CNTNAP2: variants seen among roughly 807,000 people sequenced by gnomAD.
CNTNAP2 encodes the protein contactin-associated protein-like 2.
CNTNAP2 carries 98 observed loss-of-function variants against 155.2 expected under a neutral mutation model. The observed-to-expected ratio is 0.63, with a 90% confidence interval of 0.54 to 0.75. CNTNAP2 has a LOEUF of 0.75. CNTNAP2 is among the 30% of genes least tolerant of loss of function. The pLI is 0.00. For missense variants in CNTNAP2, 1,727 were observed against 1,688.1 expected (o/e 1.02, Z -0.40); for synonymous variants, 651 against 631.2 (o/e 1.03, Z -0.47).
chr7:148,199,655 T>G (rs1795336181), intron 18 of CNTNAP2, among the ~76,000 whole-genome samples: 1 of 152,216 alleles, frequency 6.6e-6, no homozygotes, highest in Admixed American at 6.5e-5. Context: ...CTAGTTCAAA[T>G]TGAGATTGTG....
intron 1 of CNTNAP2, among the ~76,000 whole-genome samples, chr7:146,528,837 G>C (rs1391337815): frequency 6.6e-6 from 1 of 152,086 alleles, no homozygotes; most frequent in African/African-American, 2.4e-5. Context: ...TGATATGCAG[G>C]ATGAGCTCAG....
intron 5 of CNTNAP2, among the ~76,000 whole-genome samples, chr7:147,113,184 A>G (rs556507521): frequency 6.6e-6 from 1 of 152,202 alleles, no homozygotes; most frequent in South Asian, 2.1e-4. Flanking sequence ...AGAGGTGTTC[A>G]TAGCATTCTC....
At chr7:146,221,338 A>G (rs770143669) in intron 1 of CNTNAP2, among the ~76,000 whole-genome samples, 3 of 152,060 alleles carry the variant, frequency 2.0e-5, no homozygotes, top group African/African-American at 7.3e-5. Context: ...ATTTATACAG[A>G]AGGATATACG....
At chr7:148,209,657 G>T (rs769621420) in intron 18 of CNTNAP2, among the ~76,000 whole-genome samples, 2 of 152,122 alleles carry the variant, frequency 1.3e-5, no homozygotes, top group African/African-American at 2.4e-5. Flanking sequence ...CCTATTCAAT[G>T]GTCTACCTAT....
At chr7:146,746,946 T>C (rs1332410816) in intron 1 of CNTNAP2, among the ~76,000 whole-genome samples, 1 of 152,116 alleles carries the variant, frequency 6.6e-6, no homozygotes, top group African/African-American at 2.4e-5. Flanking sequence ...TTGGGGATAT[T>C]TCTGTAGAAA....
intron 3 of CNTNAP2, among the ~76,000 whole-genome samples, chr7:146,939,438 T>C (rs1796999180): frequency 6.6e-6 from 1 of 152,246 alleles, no homozygotes; most frequent in Admixed American, 6.5e-5. Flanking sequence ...GAAGGCGACA[T>C]TAAAACTTCG....
At chr7:147,969,701 A>C (rs1801296618) in intron 14 of CNTNAP2, among the ~76,000 whole-genome samples, 1 of 152,126 alleles carries the variant, frequency 6.6e-6, no homozygotes, top group Non-Finnish European at 1.5e-5. Context: ...CAATAAACTA[A>C]AAATTCGCCA....
chr7:146,828,439 T>A (rs1242660960), intron 2 of CNTNAP2, among the ~76,000 whole-genome samples: 7 of 152,038 alleles, frequency 4.6e-5, no homozygotes, highest in Admixed American at 4.6e-4. Flanking sequence ...ATTATGGAAG[T>A]TTTTCTTCTA....
At position 147,571,694 on chromosome 7, in the gene CNTNAP2, AT is replaced by A. The variant is rs1318062857; in HGVS notation, c.1897+9439del. On this transcript the variant is annotated intron_variant, in intron 12 of 23. Coordinates refer to ENST00000361727, the MANE Select transcript of CNTNAP2 (RefSeq NM_014141.6). ...GACACACAGAGCTCTCCTATTCTAT[AT>A]TAGGGCTTATTAACATTCATAAGTT... Among the ~76,000 whole-genome samples, 61 of 152,246 alleles carry A rather than the reference AT, an allele frequency of 4.0e-4. 1 individual carries two copies. The highest frequency in any genetic ancestry group is 3.4e-3 in the Middle Eastern group (1 of 294).
chr7:146,135,736 T>C (rs564693293), intron 1 of CNTNAP2, among the ~76,000 whole-genome samples: 11 of 152,060 alleles, frequency 7.2e-5, no homozygotes, highest in African/African-American at 2.7e-4. Flanking sequence ...TACAGGTTTC[T>C]AGACATATGC....
chr7:146,425,850 A>T (rs977956408), intron 1 of CNTNAP2, among the ~76,000 whole-genome samples: 1 of 152,076 alleles, frequency 6.6e-6, no homozygotes. Context: ...ACAAACAAAC[A>T]ATAAAAAACT....
chr7:147,342,294 A>C (rs574093985), intron 9 of CNTNAP2, among the ~76,000 whole-genome samples: 2 of 152,244 alleles, frequency 1.3e-5, no homozygotes, highest in Non-Finnish European at 1.5e-5. Context: ...TAAGGCTTCT[A>C]ATGTATCTAA....
At chr7:147,182,161 CA>C (rs1470851599) in intron 8 of CNTNAP2, among the ~76,000 whole-genome samples, 37 of 148,554 alleles carry the variant, frequency 2.5e-4, no homozygotes, top group African/African-American at 8.6e-4. Flanking sequence ...GTAACTTCCA[CA>C]TTAAACAAGA....
intron 1 of CNTNAP2, among the ~76,000 whole-genome samples, chr7:146,214,443 G>A (rs773062002): frequency 2.6e-5 from 4 of 152,118 alleles, no homozygotes; most frequent in Non-Finnish European, 5.9e-5. Context: ...GAAAATCCAC[G>A]TTCACCTTGT....
intron 9 of CNTNAP2, among the ~76,000 whole-genome samples, chr7:147,332,709 A>G (rs1035479021): frequency 3.9e-5 from 6 of 152,116 alleles, no homozygotes; most frequent in Admixed American, 3.9e-4. Flanking sequence ...TAATAGTACA[A>G]GAATTAGCCG....
chr7:147,993,231 T>A (rs1168562476), intron 15 of CNTNAP2, among the ~76,000 whole-genome samples: 1 of 152,204 alleles, frequency 6.6e-6, no homozygotes, highest in Non-Finnish European at 1.5e-5. Context: ...ACACTTTGTA[T>A]TAAATAACCT....
At chr7:147,520,523 G>A (rs1799213343) in intron 11 of CNTNAP2, among the ~76,000 whole-genome samples, 1 of 152,154 alleles carries the variant, frequency 6.6e-6, no homozygotes, top group Non-Finnish European at 1.5e-5. Context: ...TAAATGACAT[G>A]CAAAGATGGC....
intron 13 of CNTNAP2, among the ~76,000 whole-genome samples, chr7:147,677,989 A>T (rs1485633124): frequency 6.6e-6 from 1 of 151,478 alleles, no homozygotes; most frequent in South Asian, 2.1e-4. Context: ...AATATCACAC[A>T]CTCCTTTCTA....
chr7:146,500,507 C>T (rs575162611), intron 1 of CNTNAP2, among the ~76,000 whole-genome samples: 14 of 152,136 alleles, frequency 9.2e-5, no homozygotes, highest in Admixed American at 6.5e-4. Flanking sequence ...TGCTATAATC[C>T]GGTGAGTTTC....
Sources: gnomAD v4.1 joint callset for allele counts (sites outside exome capture counted in the v4.1 genomes callset) on GRCh38, gnomAD v4.1.1 for gene constraint, MANE v1.5 for transcripts, NCBI Gene and HGNC (gene_info 2026-07-23, HGNC 2026-07-21) for gene names.